Variants in FGGY observed in about 807,000 individuals in gnomAD.
FGGY encodes FGGY carbohydrate kinase domain-containing protein.
In FGGY, 72 loss-of-function variants were observed where a neutral mutation model predicts 71.3. That is an observed-to-expected ratio of 1.01 (90% CI 0.84 to 1.23). FGGY has a LOEUF of 1.23. Among genes scored for constraint, FGGY ranks in the 50% most tolerant of loss-of-function variants. The pLI, the probability that FGGY is intolerant of heterozygous loss-of-function variation, is 0.00. For synonymous variants in FGGY, 251 were observed against 250.3 expected (o/e 1.00, Z -0.02); for missense variants, 668 against 682.3 (o/e 0.98, Z 0.23).
At position 59,669,084 on chromosome 1, in the gene FGGY, A is replaced by G. The variant is rs551226675; in HGVS notation, c.1417+1681A>G. Among the ~76,000 whole-genome samples, 5 of 152,114 alleles carry G rather than the reference A, an allele frequency of 3.3e-5. No homozygotes were observed. In the South Asian group the frequency reaches 6.2e-4, roughly 19 times the overall value. On this transcript the variant is annotated intron_variant, in intron 13 of 15. Transcript: ENST00000303721. ...TATTACCATTAACCAAGCACCTACT[A>G]TGTGTCAGTGTGAATCACGCTGTAG... is the stretch of plus-strand genomic sequence containing the variant.
rs948484445 is a variant in FGGY, at chr1:59,407,391, G to A, written c.554+28554G>A. Reference sequence around the variant, plus strand: ...GAGAAAAGGGAGGAGGGGGTGGTTCGACACCAGGGCCTGCACACTGAGTGT... The same window carrying A: ...GAGAAAAGGGAGGAGGGGGTGGTTCAACACCAGGGCCTGCACACTGAGTGT... On this transcript the variant is annotated intron_variant, in intron 5 of 15. Transcript: ENST00000303721. Among the ~76,000 whole-genome samples, 9 of 152,214 alleles carry A rather than the reference G, an allele frequency of 5.9e-5. 1 individual carries two copies. Among genetic ancestry groups the A allele is most frequent in the South Asian group, 4.2e-4 (2 of 4,816 alleles).
rs75134249 is a variant in FGGY at position 59,311,263 on chromosome 1, C to T, written c.-14-10273C>T. ...GAAATTTTTTTTTTTTTTAAAGATT[C>T]TTTTTTTTCAATATTTTACTGTAAG... On this transcript the variant is annotated intron_variant, in intron 1 of 15. Transcript: ENST00000303721. Among the ~76,000 whole-genome samples the T allele has an allele frequency of 5.3e-3, 798 of 150,178 alleles. 6 individuals are homozygous for T. Among genetic ancestry groups the T allele is most frequent in the African/African-American group, 0.018 (750 of 40,894 alleles).
intron 6 of FGGY, among the ~76,000 whole-genome samples, chr1:59,472,480 CGG>C (rs1294387277): frequency 1.1e-4 from 17 of 152,374 alleles, no homozygotes; most frequent in Non-Finnish European, 2.4e-4. Flanking sequence ...GCGCACGGCG[CGG>C]GACTGGCAGG....
chr1:59,626,257 A>G, intron 10 of FGGY: 2 of 502,146 alleles, frequency 4.0e-6, no homozygotes. Context: ...AGATACCCCA[A>G]GAATATACCC....
intron 4 of FGGY, among the ~76,000 whole-genome samples, chr1:59,371,659 T>TA (rs1484355970): frequency 5.3e-5 from 8 of 152,186 alleles, no homozygotes; most frequent in African/African-American, 1.9e-4. Context: ...TGGTTGGAAG[T>TA]AAGGCTCTCC....
intron 14 of FGGY, among the ~76,000 whole-genome samples, chr1:59,713,664 T>C (rs2097818809): frequency 6.6e-6 from 1 of 152,218 alleles, no homozygotes; most frequent in South Asian, 2.1e-4. Flanking sequence ...AGTCCTTATA[T>C]AATCAAATAA....
intron 8 of FGGY, among the ~76,000 whole-genome samples, chr1:59,590,407 AAAAAGAGGTTATCCTCCCTAACTCATTTT>A (rs1275581163): frequency 6.6e-6 from 1 of 152,238 alleles, no homozygotes; most frequent in Admixed American, 6.5e-5. Context: ...CAATCAATAG[AAAAAGAGGTTATCCTCCCTAACTCATTTT>A]ATGAGGCCAG....
chr1:59,314,367 G>A (rs896813014), intron 1 of FGGY, among the ~76,000 whole-genome samples: 1 of 152,200 alleles, frequency 6.6e-6, no homozygotes, highest in Non-Finnish European at 1.5e-5. Flanking sequence ...AGGCTGTAGA[G>A]TGTCTTTGGT....
chr1:59,335,645 G>T (rs1273000494), intron 2 of FGGY, among the ~76,000 whole-genome samples: 1 of 152,236 alleles, frequency 6.6e-6, no homozygotes, highest in East Asian at 1.9e-4. Context: ...CAATGTATAA[G>T]GGCATCACTT....
At chr1:59,669,670 C>T (rs1018646429) in intron 13 of FGGY, among the ~76,000 whole-genome samples, 1 of 149,748 alleles carries the variant, frequency 6.7e-6, no homozygotes, top group Non-Finnish European at 1.5e-5. Context: ...TCTGGGATTA[C>T]AGGCATGAGC....
intron 7 of FGGY, among the ~76,000 whole-genome samples, chr1:59,524,023 G>A (rs2094907929): frequency 6.6e-6 from 1 of 152,220 alleles, no homozygotes; most frequent in Admixed American, 6.5e-5. Flanking sequence ...CCCAGCTGCG[G>A]CTCTGGACCT....
At position 59,504,811 on chromosome 1, in the gene FGGY, C is replaced by T. The variant is rs146400624; in HGVS notation, c.671-7500C>T. ...TACTCTCCCAACTGATATTCAGCTTCCTGTGTGAGTGTATGTTTAATGTTT... is the reference window on the plus strand; with the variant it reads ...TACTCTCCCAACTGATATTCAGCTTTCTGTGTGAGTGTATGTTTAATGTTT... On this transcript the variant is annotated intron_variant, in intron 6 of 15. Transcript: ENST00000303721. Among the ~76,000 whole-genome samples, 5 of 152,218 alleles carry T rather than the reference C, an allele frequency of 3.3e-5. No individual in the cohort carries two copies. The East Asian group carries it at 9.7e-4, about 29-fold the overall frequency.
intron 12 of FGGY, among the ~76,000 whole-genome samples, chr1:59,665,207 A>C (rs982890043): frequency 6.6e-6 from 1 of 152,064 alleles, no homozygotes; most frequent in South Asian, 2.1e-4. Context: ...AGGTTTTGGC[A>C]TATTCTCAAG....
chr1:59,731,473 G>C (rs921222736), intron 14 of FGGY, among the ~76,000 whole-genome samples: 1 of 152,142 alleles, frequency 6.6e-6, no homozygotes, highest in Non-Finnish European at 1.5e-5. Flanking sequence ...GTCCTATCAG[G>C]TGGCCTTTTT....
At chr1:59,547,038 C>T (rs2095537891) in intron 7 of FGGY, among the ~76,000 whole-genome samples, 1 of 150,396 alleles carries the variant, frequency 6.6e-6, no homozygotes, top group African/African-American at 2.5e-5. Context: ...CTGCATCCTC[C>T]ACCTCCTGCA....
At chr1:59,472,070 C>T (rs1264251385) in intron 6 of FGGY, among the ~76,000 whole-genome samples, 1 of 152,210 alleles carries the variant, frequency 6.6e-6, no homozygotes, top group East Asian at 1.9e-4. Flanking sequence ...TGTGGGAGCC[C>T]CTTTCTGGGC....
At chr1:59,386,871 A>G (rs2060132084) in intron 5 of FGGY, among the ~76,000 whole-genome samples, 1 of 152,018 alleles carries the variant, frequency 6.6e-6, no homozygotes, top group Non-Finnish European at 1.5e-5. Flanking sequence ...ATTATTTCTT[A>G]TATTTCTTTA....
chr1:59,613,100 G>C (rs530338531), intron 9 of FGGY, among the ~76,000 whole-genome samples: 3 of 152,126 alleles, frequency 2.0e-5, no homozygotes, highest in Non-Finnish European at 4.4e-5. Flanking sequence ...GAGACAGAAC[G>C]TTAACAAGGA....
intron 10 of FGGY, among the ~76,000 whole-genome samples, chr1:59,632,512 C>T (rs1247980859): frequency 6.6e-6 from 1 of 152,142 alleles, no homozygotes; most frequent in Non-Finnish European, 1.5e-5. Context: ...ATTCACTAGT[C>T]CTCTATATCG....
Sources: gnomAD v4.1 joint callset for allele counts (sites outside exome capture counted in the v4.1 genomes callset) on GRCh38, gnomAD v4.1.1 for gene constraint, MANE v1.5 for transcripts, NCBI Gene and HGNC (gene_info 2026-07-23, HGNC 2026-07-21) for gene names.